The following ERC2 variants were observed in gnomAD, a reference collection of about 807,000 sequenced individuals.
The protein encoded by ERC2 is ELKS/RAB6-interacting/CAST family member 2, also known as ERC protein 2.
In ERC2, 42 loss-of-function variants were observed where a neutral mutation model predicts 114.8. The observed-to-expected ratio is 0.37, with a 90% CI of 0.29 to 0.47. ERC2 has a LOEUF of 0.47. ERC2 is among the 20% of genes least tolerant of loss of function. ERC2 has a pLI of 0.99. For missense variants in ERC2, 939 were observed against 1,150.7 expected, an observed-to-expected ratio of 0.82 and a Z score of 2.66; for synonymous variants, 454 against 425.5, an observed-to-expected ratio of 1.07 and a Z score of -0.82.
intron 7 of ERC2, among the ~76,000 whole-genome samples, chr3:56,065,223 T>C (rs1181741908): frequency 6.6e-6 from 1 of 151,354 alleles, no homozygotes; most frequent in African/African-American, 2.4e-5. Context: ...CCATTATTTA[T>C]TTTTTTTCTT....
chr3:55,718,366 C>A (rs2148877200), intron 15 of ERC2, among the ~76,000 whole-genome samples: 1 of 152,234 alleles, frequency 6.6e-6, no homozygotes, highest in East Asian at 1.9e-4. Context: ...TGACTGACCA[C>A]CAAACTAGGT....
intron 14 of ERC2, among the ~76,000 whole-genome samples, chr3:55,877,907 G>A (rs1391454730): frequency 6.6e-6 from 1 of 152,044 alleles, no homozygotes; most frequent in Non-Finnish European, 1.5e-5. Context: ...ATCTGGCAAC[G>A]CCCCCTACAG....
intron 14 of ERC2, among the ~76,000 whole-genome samples, chr3:55,759,986 C>A (rs1054192190): frequency 7.2e-5 from 11 of 152,154 alleles, no homozygotes; most frequent in African/African-American, 2.7e-4. Flanking sequence ...TTGGGCTTAA[C>A]CTTTTTTACT....
chr3:55,911,215 G>A (rs776801940), intron 13 of ERC2, among the ~76,000 whole-genome samples: 6 of 152,160 alleles, frequency 3.9e-5, no homozygotes, highest in East Asian at 1.9e-4. Flanking sequence ...AGAGGAGGAC[G>A]TGGCCCAATG....
At chr3:55,953,975 G>A (rs1341169538) in intron 12 of ERC2, among the ~76,000 whole-genome samples, 2 of 150,208 alleles carry the variant, frequency 1.3e-5, no homozygotes, top group Non-Finnish European at 3.0e-5. Context: ...TGGTCGTGGA[G>A]ACTGCAATGC....
chr3:56,310,241 A>C (rs532207972), intron 2 of ERC2, among the ~76,000 whole-genome samples: 11 of 152,374 alleles, frequency 7.2e-5, no homozygotes, highest in Non-Finnish European at 1.3e-4. Context: ...TATTTTAAAA[A>C]TGTGTTGAGA....
At chr3:55,981,959 G>A (rs889290474) in intron 12 of ERC2, among the ~76,000 whole-genome samples, 3 of 152,172 alleles carry the variant, frequency 2.0e-5, no homozygotes, top group South Asian at 4.1e-4. Context: ...ACTGTACAGA[G>A]CCCACACAGT....
chr3:55,967,005 C>G (rs892011311), intron 12 of ERC2, among the ~76,000 whole-genome samples: 1 of 152,214 alleles, frequency 6.6e-6, no homozygotes, highest in Non-Finnish European at 1.5e-5. Flanking sequence ...CATGTAGGCT[C>G]TGCCTTCTGT....
intron 3 of ERC2, among the ~76,000 whole-genome samples, chr3:56,238,144 G>A (rs1446166057): frequency 6.6e-6 from 1 of 152,050 alleles, no homozygotes; most frequent in African/African-American, 2.4e-5. Flanking sequence ...TAGAAGTTTT[G>A]TTTGTTTTCT....
Position 55,952,177 on chromosome 3 carries a change from ACACTCTCTCTCTCTCT to A in ERC2, c.2268-1633_2268-1618del, listed in dbSNP as rs1236109200. Among the ~76,000 whole-genome samples the A allele has an allele frequency of 5.2e-4, 20 of 38,704 alleles. 1 individual carries two copies. Among genetic ancestry groups the A allele is most frequent in the African/African-American group, 1.3e-3 (18 of 13,436 alleles). 25.4% of individuals were successfully genotyped at this position (38,704 alleles called of 152,430 possible). On this transcript the variant is annotated intron_variant, in intron 12 of 17. Transcript: ENST00000288221. ...CACACACACACACACACACACACAC[ACACTCTCTCTCTCTCT>A]CTCTCTATATATATATATATATATT...
chr3:55,698,629 CA>C (rs1346716516), intron 16 of ERC2, among the ~76,000 whole-genome samples: 2 of 152,114 alleles, frequency 1.3e-5, no homozygotes, highest in Non-Finnish European at 2.9e-5. Context: ...AAAACGGGGG[CA>C]GGGGGAGGCA....
chr3:56,260,925 A>G (rs2052877801), intron 3 of ERC2, among the ~76,000 whole-genome samples: 1 of 152,202 alleles, frequency 6.6e-6, no homozygotes, highest in African/African-American at 2.4e-5. Flanking sequence ...TCTGTGTCCT[A>G]ATGAAAACCT....
intron 3 of ERC2, among the ~76,000 whole-genome samples, chr3:56,179,756 T>A (rs1180825098): frequency 6.6e-6 from 1 of 150,604 alleles, no homozygotes; most frequent in Non-Finnish European, 1.5e-5. Context: ...AGGTGGGAGT[T>A]ATGGGAACTA....
chr3:56,287,874 C>T lies in ERC2; in HGVS notation c.1074+8145G>A, dbSNP rs573875067. 3.9e-5 allele frequency among the ~76,000 whole-genome samples: 6 copies of T among 152,276 alleles called. No homozygotes were observed. In the East Asian group the frequency reaches 9.6e-4, roughly 24 times the overall value. On this transcript the variant is annotated intron_variant, in intron 3 of 17. Coordinates refer to ENST00000288221, the MANE Select transcript of ERC2 (RefSeq NM_015576.3). ...GAAACCATTGTTCCGTTCAGAGTAT[C>T]GATGGAAGAATTAAATGGCACTCCT...
Position 55,931,458 on chromosome 3 carries a change from T to C in ERC2, c.2403+18967A>G, listed in dbSNP as rs2066082101. Among the ~76,000 whole-genome samples, 13 of 152,130 alleles carry C rather than the reference T, an allele frequency of 8.5e-5. No individual in the cohort carries two copies. The South Asian group carries it at 2.3e-3, about 27-fold the overall frequency. On this transcript the variant is annotated intron_variant, in intron 13 of 17. Coordinates refer to ENST00000288221, the MANE Select transcript of ERC2 (RefSeq NM_015576.3). ...TGAGTTCATGTCCTTTTCAGGGACA[T>C]GGATGAAGCTGGAAACGATCATTCT...
chr3:56,269,348 A>G (rs977554586), intron 3 of ERC2, among the ~76,000 whole-genome samples: 6 of 152,202 alleles, frequency 3.9e-5, no homozygotes, highest in African/African-American at 1.4e-4. Flanking sequence ...CTGGCACCAC[A>G]ACTATCTAGA....
At chr3:55,750,147 C>T (rs1490863300) in intron 14 of ERC2, among the ~76,000 whole-genome samples, 1 of 138,934 alleles carries the variant, frequency 7.2e-6, no homozygotes, top group Non-Finnish European at 1.5e-5. Context: ...GCAAACTGAT[C>T]TGGTAAAGAA....
chr3:55,900,983 T>A (rs1030655527), intron 13 of ERC2, among the ~76,000 whole-genome samples: 1 of 152,222 alleles, frequency 6.6e-6, no homozygotes, highest in Non-Finnish European at 1.5e-5. Flanking sequence ...AGACTGATTG[T>A]TGAATACAAA....
chr3:56,427,901 C>T (rs576880551), intron 2 of ERC2, among the ~76,000 whole-genome samples: 31 of 152,280 alleles, frequency 2.0e-4, no homozygotes, highest in East Asian at 3.9e-4. Flanking sequence ...CCCCACAAAA[C>T]GTATGCATTA....
Sources: gnomAD v4.1 joint callset for allele counts (sites outside exome capture counted in the v4.1 genomes callset) on GRCh38, gnomAD v4.1.1 for gene constraint, MANE v1.5 for transcripts, NCBI Gene and HGNC (gene_info 2026-07-23, HGNC 2026-07-21) for gene names.